The following DLG2 variants were observed in gnomAD, a reference collection of about 807,000 sequenced individuals.
The protein encoded by DLG2 is disks large homolog 2.
DLG2 carries 45 observed loss-of-function variants against 132.5 expected under a neutral mutation model. That is an observed-to-expected ratio of 0.34 (90% CI 0.27 to 0.44). The LOEUF (loss-of-function observed/expected upper bound fraction) is 0.44. DLG2 is among the 20% of genes least tolerant of loss of function. The probability of loss-of-function intolerance (pLI) is 1.00; values close to 1 mark genes in which losing one functional copy is unlikely to be tolerated. For synonymous variants in DLG2, 424 were observed against 419.6 expected (o/e 1.01, Z -0.13); for missense variants, 1,045 against 1,196.9 (o/e 0.87, Z 1.87).
chr11:84,003,611 T>C (rs1225801846), intron 11 of DLG2, among the ~76,000 whole-genome samples: 1 of 151,958 alleles, frequency 6.6e-6, no homozygotes, highest in African/African-American at 2.4e-5. Flanking sequence ...AACCATCAGA[T>C]CTCATGAGGA....
chr11:85,611,833 C>A (rs1262226798), intron 2 of DLG2, among the ~76,000 whole-genome samples: 1 of 152,156 alleles, frequency 6.6e-6, no homozygotes, highest in Non-Finnish European at 1.5e-5. Flanking sequence ...AAGGGGGTGG[C>A]AGTCTTACAC....
At chr11:85,193,003 A>G (rs1295905257) in intron 4 of DLG2, among the ~76,000 whole-genome samples, 2 of 152,176 alleles carry the variant, frequency 1.3e-5, no homozygotes, top group Non-Finnish European at 2.9e-5. Flanking sequence ...GGCTTTCAGT[A>G]TATTACCATT....
chr11:85,064,830 A>G (rs59501195), intron 6 of DLG2, among the ~76,000 whole-genome samples: 6,163 of 151,662 alleles, frequency 0.041, 187 homozygotes, highest in African/African-American at 0.076. Context: ...AGAGAATTCT[A>G]TCTCAAGATT....
At chr11:84,328,194 G>C (rs936590862) in intron 7 of DLG2, among the ~76,000 whole-genome samples, 1 of 151,568 alleles carries the variant, frequency 6.6e-6, no homozygotes. Flanking sequence ...AATGATATGG[G>C]TAAAAATAAC....
intron 19 of DLG2, among the ~76,000 whole-genome samples, chr11:83,542,174 A>AT (rs945113172): frequency 2.5e-4 from 38 of 152,286 alleles, no homozygotes; most frequent in African/African-American, 8.4e-4. Context: ...CCTAGTTGAG[A>AT]TTTTTTTCCC....
At chr11:84,998,185 G>C (rs1361454967) in intron 6 of DLG2, among the ~76,000 whole-genome samples, 1 of 151,872 alleles carries the variant, frequency 6.6e-6, no homozygotes, top group African/African-American at 2.4e-5. Flanking sequence ...ATAGGGTTTG[G>C]CTCTGTTTCC....
intron 11 of DLG2, among the ~76,000 whole-genome samples, chr11:84,039,955 T>C (rs1353320870): frequency 1.3e-5 from 2 of 148,938 alleles, no homozygotes; most frequent in African/African-American, 4.9e-5. Flanking sequence ...TTGATTTGCA[T>C]TTCTCTGATG....
chr11:84,917,562 A>C (rs966379646), intron 6 of DLG2, among the ~76,000 whole-genome samples: 1 of 152,224 alleles, frequency 6.6e-6, no homozygotes, highest in African/African-American at 2.4e-5. Flanking sequence ...AATAATGATC[A>C]AAATGCATAA....
intron 5 of DLG2, among the ~76,000 whole-genome samples, chr11:85,124,853 C>T (rs1398221624): frequency 3.5e-5 from 5 of 141,044 alleles, no homozygotes; most frequent in African/African-American, 8.1e-5. Context: ...TTTTTTGAGA[C>T]GGAGTCTCGC....
At chr11:84,272,364 CCAAATAAATTTTAG>C in intron 7 of DLG2, 1 of 396,418 alleles carries the variant, frequency 2.5e-6, no homozygotes. Flanking sequence ...TGAGAAGGTA[CCAAATAAATTTTAG>C]CAGAGATTAT....
At chr11:84,186,617 C>T (rs1181743087) in intron 8 of DLG2, among the ~76,000 whole-genome samples, 5 of 151,796 alleles carry the variant, frequency 3.3e-5, no homozygotes, top group African/African-American at 9.7e-5. Context: ...CCTCTAATAC[C>T]CCACAGAGTT....
intron 6 of DLG2, among the ~76,000 whole-genome samples, chr11:84,822,308 T>C (rs1250273679): frequency 6.6e-6 from 1 of 151,854 alleles, no homozygotes; most frequent in Non-Finnish European, 1.5e-5. Flanking sequence ...AGACATTTAT[T>C]ACCTATTTAA....
At chr11:83,772,913 A>C (rs2094454768) in intron 18 of DLG2, among the ~76,000 whole-genome samples, 1 of 152,252 alleles carries the variant, frequency 6.6e-6, no homozygotes, top group African/African-American at 2.4e-5. Context: ...AATGGAGACG[A>C]AGAGGATATG....
chr11:84,809,494 C>T (rs545428140), intron 6 of DLG2, among the ~76,000 whole-genome samples: 2 of 151,404 alleles, frequency 1.3e-5, no homozygotes, highest in East Asian at 1.9e-4. Flanking sequence ...TTGCATATGA[C>T]ATGATCATCT....
chr11:83,753,826 T>TATC (rs2093479272), intron 18 of DLG2, among the ~76,000 whole-genome samples: 4 of 86,280 alleles, frequency 4.6e-5, no homozygotes, highest in African/African-American at 2.6e-4. Flanking sequence ...ATATATTTCA[T>TATC]ATATATATGA....
At chr11:85,382,457 G>C (rs1023413251) in intron 3 of DLG2, among the ~76,000 whole-genome samples, 2 of 151,938 alleles carry the variant, frequency 1.3e-5, no homozygotes, top group Non-Finnish European at 2.9e-5. Flanking sequence ...CCTTAGGTGA[G>C]TGAACTATTT....
chr11:83,484,657 T>TAAAC (rs1555086608), intron 21 of DLG2, among the ~76,000 whole-genome samples: 3 of 152,280 alleles, frequency 2.0e-5, no homozygotes, highest in African/African-American at 7.2e-5. Flanking sequence ...AAAGACAATG[T>TAAAC]AAACATAAAG....
intron 7 of DLG2, among the ~76,000 whole-genome samples, chr11:84,278,472 ATTTT>A (rs10559001): frequency 5.3e-5 from 8 of 151,444 alleles, no homozygotes; most frequent in South Asian, 2.1e-4. Context: ...TTTCCAGATC[ATTTT>A]TTTTTTTTGA....
chr11:83,550,628 C>A (rs2096367996), intron 19 of DLG2, among the ~76,000 whole-genome samples: 1 of 152,134 alleles, frequency 6.6e-6, no homozygotes, highest in Non-Finnish European at 1.5e-5. Context: ...AAAGATTAAT[C>A]ATCTTAAAAT....
Sources: gnomAD v4.1 joint callset for allele counts (sites outside exome capture counted in the v4.1 genomes callset) on GRCh38, gnomAD v4.1.1 for gene constraint, MANE v1.5 for transcripts, NCBI Gene and HGNC (gene_info 2026-07-23, HGNC 2026-07-21) for gene names.